Variants in AP3B1 observed in about 807,000 individuals in gnomAD.
The protein encoded by AP3B1 is AP-3 complex subunit beta-1.
AP3B1 carries 61 observed loss-of-function variants against 132.5 expected under a neutral mutation model. That is an observed-to-expected ratio of 0.46 (90% confidence interval 0.37 to 0.57). AP3B1 has a LOEUF of 0.57. AP3B1 is among the 20% of genes least tolerant of loss of function. The pLI, the probability that AP3B1 is intolerant of heterozygous loss-of-function variation, is 0.00. For synonymous variants in AP3B1, 388 were observed against 438.3 expected, an observed-to-expected ratio of 0.89 and a Z score of 1.43; for missense variants, 1,120 against 1,289.4, an observed-to-expected ratio of 0.87 and a Z score of 2.01.
At chr5:78,278,944 C>G (rs981056279) in intron 1 of AP3B1, among the ~76,000 whole-genome samples, 13 of 152,194 alleles carry the variant, frequency 8.5e-5, no homozygotes, top group African/African-American at 2.4e-4. Context: ...ACCCCCACCC[C>G]CTTCCATGGA....
chr5:78,109,442 C>G (rs2112250088), intron 20 of AP3B1, among the ~76,000 whole-genome samples: 1 of 152,124 alleles, frequency 6.6e-6, no homozygotes, highest in South Asian at 2.1e-4. Context: ...TGAACTGAAT[C>G]AAAGGCAGAG....
downstream of AP3B1, chr5:78,000,659 A>G (rs1580223856): frequency 6.6e-6 from 1 of 152,230 alleles, no homozygotes; most frequent in Non-Finnish European, 1.5e-5. Context: ...GAAATATACT[A>G]TGAGAGCCAT....
chr5:78,159,879 T>C (rs1039613937), intron 13 of AP3B1, among the ~76,000 whole-genome samples: 7 of 152,200 alleles, frequency 4.6e-5, no homozygotes, highest in Non-Finnish European at 8.8e-5. Context: ...AATGATCCTA[T>C]GTTCTAGATA....
Position 78,109,968 on chromosome 5 carries a change from A to AC in AP3B1, c.2397+238dup, listed in dbSNP as rs147437738. ...TTCCTTTCACTTCCCCTTCAGCAAA[A>AC]CCCCCCCCTTGTCACAACCTAGCCA... On this transcript the variant is annotated intron_variant, in intron 20 of 26. Transcript: ENST00000255194. Among the ~76,000 whole-genome samples, 6,274 of 150,528 alleles carry AC rather than the reference A, an allele frequency of 0.042. 395 individuals carry two copies. Among genetic ancestry groups the AC allele is most frequent in the African/African-American group, 0.14 (5,538 of 40,888 alleles).
At chr5:78,097,207 C>A (rs1235113736) in intron 21 of AP3B1, among the ~76,000 whole-genome samples, 1 of 120,476 alleles carries the variant, frequency 8.3e-6, no homozygotes, top group Non-Finnish European at 1.8e-5. Context: ...CCCCTCTGCC[C>A]GGCCAGCCAC....
intron 20 of AP3B1, among the ~76,000 whole-genome samples, chr5:78,107,653 G>A (rs1347930672): frequency 6.6e-6 from 1 of 152,132 alleles, no homozygotes; most frequent in Non-Finnish European, 1.5e-5. Flanking sequence ...GTGAGTTAGA[G>A]AGCAGAAACA....
At chr5:78,262,590 G>A (rs1026376634) in intron 2 of AP3B1, among the ~76,000 whole-genome samples, 2 of 151,854 alleles carry the variant, frequency 1.3e-5, no homozygotes, top group Non-Finnish European at 2.9e-5. Flanking sequence ...TGGTCTATAC[G>A]TTGTCCGTCT....
At chr5:78,285,004 T>C (rs1354299937) in intron 1 of AP3B1, among the ~76,000 whole-genome samples, 2 of 152,098 alleles carry the variant, frequency 1.3e-5, no homozygotes, top group Admixed American at 6.5e-5. Flanking sequence ...TCCCAGCATT[T>C]TGGGAGGCCG....
chr5:78,076,960 A>G (rs1561390314), intron 22 of AP3B1, among the ~76,000 whole-genome samples: 1 of 152,116 alleles, frequency 6.6e-6, no homozygotes, highest in Non-Finnish European at 1.5e-5. Context: ...TGCTTTTCTG[A>G]GTTCTCTGAG....
intron 11 of AP3B1, among the ~76,000 whole-genome samples, chr5:78,172,393 A>G (rs1743955806): frequency 6.6e-6 from 1 of 151,200 alleles, no homozygotes; most frequent in South Asian, 2.1e-4. Flanking sequence ...TTGGTAGGCT[A>G]TTATTATCTC....
In AP3B1 at chr5:78,069,564, A is replaced by G. The variant is rs564888263; in HGVS notation, c.2577+19829T>C. Reference sequence around the variant, plus strand: ...AACAAGGGAAGTGAAGGATCTCTTCAAGGAGAACTACAAACCACTGCTCAA... The same window carrying G: ...AACAAGGGAAGTGAAGGATCTCTTCGAGGAGAACTACAAACCACTGCTCAA... On this transcript the variant is annotated intron_variant, in intron 22 of 26. Coordinates refer to ENST00000255194, the MANE Select transcript of AP3B1 (RefSeq NM_003664.5). 1.9e-3 allele frequency among the ~76,000 whole-genome samples: 282 copies of G among 152,314 alleles called. 1 individual carries two copies. The highest frequency in any genetic ancestry group is 6.5e-3 in the African/African-American group (271 of 41,570).
chr5:78,075,410 C>T (rs1749726910), intron 22 of AP3B1, among the ~76,000 whole-genome samples: 1 of 152,096 alleles, frequency 6.6e-6, no homozygotes, highest in South Asian at 2.1e-4. Flanking sequence ...AACAGAGTGA[C>T]TTCCATACCA....
At chr5:78,076,987 C>A (rs893456793) in intron 22 of AP3B1, among the ~76,000 whole-genome samples, 2 of 152,138 alleles carry the variant, frequency 1.3e-5, no homozygotes, top group African/African-American at 2.4e-5. Flanking sequence ...TAGAAAATTA[C>A]TGAACTAGAG....
intron 22 of AP3B1, among the ~76,000 whole-genome samples, chr5:78,052,202 G>A (rs1247028303): frequency 6.6e-6 from 1 of 151,630 alleles, no homozygotes; most frequent in Non-Finnish European, 1.5e-5. Context: ...TTTTATTTTA[G>A]TAATCACTAT....
chr5:78,235,001 T>C (rs1746811047), intron 3 of AP3B1, among the ~76,000 whole-genome samples: 1 of 151,938 alleles, frequency 6.6e-6, no homozygotes, highest in Non-Finnish European at 1.5e-5. Flanking sequence ...GGGGTGTGTG[T>C]GTGTCAGTGA....
chr5:78,029,976 ACTC>A (rs1194869663), intron 24 of AP3B1, among the ~76,000 whole-genome samples: 3 of 147,552 alleles, frequency 2.0e-5, no homozygotes, highest in Non-Finnish European at 4.5e-5. Context: ...GTATACCATC[ACTC>A]CTCCTTGCAC....
At chr5:78,057,966 A>G (rs1222913044) in intron 22 of AP3B1, among the ~76,000 whole-genome samples, 1 of 152,168 alleles carries the variant, frequency 6.6e-6, no homozygotes, top group African/African-American at 2.4e-5. Context: ...TTTCATACCA[A>G]ACAAAAAAGA....
intron 7 of AP3B1, among the ~76,000 whole-genome samples, chr5:78,212,649 T>C (rs1745790239): frequency 6.6e-6 from 1 of 152,166 alleles, no homozygotes. Flanking sequence ...CACATTCAAG[T>C]GTTGATGGTA....
intron 22 of AP3B1, among the ~76,000 whole-genome samples, chr5:78,055,227 C>A (rs976682840): frequency 8.5e-5 from 13 of 152,202 alleles, no homozygotes; most frequent in Admixed American, 8.5e-4. Context: ...GATTGAGCCT[C>A]ACTCCTGCAC....
Sources: allele counts gnomAD v4.1 joint callset (sites outside exome capture counted in the v4.1 genomes callset), GRCh38; gene constraint gnomAD v4.1.1; transcripts MANE v1.5; gene names NCBI Gene and HGNC (gene_info 2026-07-23, HGNC 2026-07-21).